The following RASEF variants were observed in gnomAD, a reference collection of about 807,000 sequenced individuals.
RASEF encodes ras and EF-hand domain-containing protein.
A neutral mutation model predicts 90.1 loss-of-function variants in RASEF; 68 were observed. That is an observed-to-expected ratio of 0.75 (90% CI 0.62 to 0.92). The LOEUF (loss-of-function observed/expected upper bound fraction) is 0.92, where lower values mean the gene tolerates loss of function less well. RASEF is among the 40% of genes least tolerant of loss of function. RASEF has a pLI of 0.00. For synonymous variants in RASEF, 331 were observed against 345.2 expected (o/e 0.96, Z 0.46); for missense variants, 949 against 937.2 (o/e 1.01, Z -0.16).
At chr9:83,103,939 G>C in the RASEF span, among the ~76,000 whole-genome samples, 1 of 152,086 alleles carries the variant, frequency 6.6e-6, no homozygotes, top group African/African-American at 2.4e-5. Context: ...CATTCAATTA[G>C]GGAATTTCCC....
At chr9:83,139,464 G>A in the RASEF span, among the ~76,000 whole-genome samples, 1 of 152,196 alleles carries the variant, frequency 6.6e-6, no homozygotes, top group East Asian at 1.9e-4. Context: ...TATGTTATAG[G>A]TATTATCTAC....
intron 3 of RASEF, among the ~76,000 whole-genome samples, chr9:83,020,378 G>T (rs1002048722): frequency 1.3e-5 from 2 of 152,220 alleles, no homozygotes; most frequent in Admixed American, 1.3e-4. Context: ...GGAGCCGAGG[G>T]GAGCCATGTG....
At chr9:83,198,311 A>G in the RASEF span, among the ~76,000 whole-genome samples, 3 of 152,190 alleles carry the variant, frequency 2.0e-5, no homozygotes, top group Admixed American at 1.3e-4. Context: ...GGTAAAGACT[A>G]CTCAATAGAA....
At chr9:83,068,633 A>G in the RASEF span, among the ~76,000 whole-genome samples, 217 of 152,312 alleles carry the variant, frequency 1.4e-3, 1 homozygote, top group African/African-American at 5.1e-3. Context: ...TCAAATCGAC[A>G]TATTGATTTT....
chr9:83,124,024 C>T, the RASEF span, among the ~76,000 whole-genome samples: 1 of 152,162 alleles, frequency 6.6e-6, no homozygotes, highest in Non-Finnish European at 1.5e-5. Context: ...CTCTAGGTAC[C>T]TCATGTCAGT....
the RASEF span, among the ~76,000 whole-genome samples, chr9:83,205,500 T>G: frequency 6.6e-6 from 1 of 152,220 alleles, no homozygotes; most frequent in Non-Finnish European, 1.5e-5. Context: ...GTATTCCTTT[T>G]CTCACCTGTT....
At chr9:83,202,901 G>A in the RASEF span, among the ~76,000 whole-genome samples, 1 of 152,194 alleles carries the variant, frequency 6.6e-6, no homozygotes, top group East Asian at 1.9e-4. Flanking sequence ...ACATCAAAAC[G>A]TCATGTTGTA....
chr9:83,181,765 G>T, the RASEF span, among the ~76,000 whole-genome samples: 14 of 151,962 alleles, frequency 9.2e-5, no homozygotes, highest in Non-Finnish European at 1.9e-4. Flanking sequence ...AGATTTCTTT[G>T]ATTTGTATGT....
rs71363083 is a variant in RASEF, at chr9:83,011,550, C to CAAAAAA, written c.843+878_843+883dup. On this transcript the variant is annotated intron_variant, in intron 5 of 16. Coordinates refer to ENST00000376447, the MANE Select transcript of RASEF (RefSeq NM_152573.4). ...CTGGTGACAGAGCAAGACTCCATCT[C>CAAAAAA]AAAAAAAAAAAAAAAAAAAAAAAAA... Among the ~76,000 whole-genome samples, 32 of 28,110 alleles carry CAAAAAA rather than the reference C, an allele frequency of 1.1e-3. 6 individuals carry two copies. The highest frequency in any genetic ancestry group is 1.5e-3 in the Non-Finnish European group (24 of 16,132). 18.4% of individuals were successfully genotyped at this position (28,110 alleles called of 152,430 possible).
At chr9:83,093,546 A>T in the RASEF span, among the ~76,000 whole-genome samples, 2 of 152,212 alleles carry the variant, frequency 1.3e-5, no homozygotes, top group Non-Finnish European at 2.9e-5. Context: ...CCGGGTGCTA[A>T]GCCCCTCATT....
chr9:83,197,847 G>A, the RASEF span, among the ~76,000 whole-genome samples: 3 of 152,180 alleles, frequency 2.0e-5, no homozygotes, highest in Non-Finnish European at 4.4e-5. Flanking sequence ...CATAAGCACC[G>A]GGATAAATCC....
chr9:83,165,888 G>A, the RASEF span, among the ~76,000 whole-genome samples: 33 of 152,074 alleles, frequency 2.2e-4, no homozygotes, highest in African/African-American at 7.5e-4. Context: ...AAAACCCTAT[G>A]GCCACAAATT....
chr9:83,090,099 C>A, the RASEF span, among the ~76,000 whole-genome samples: 2 of 152,146 alleles, frequency 1.3e-5, no homozygotes, highest in Admixed American at 1.3e-4. Context: ...TTCATCAACT[C>A]ATTCTTCTGC....
At chr9:83,066,299 C>T (rs1443293210), upstream of RASEF, among the ~76,000 whole-genome samples, 1 of 152,170 alleles carries the variant, frequency 6.6e-6, no homozygotes, top group African/African-American at 2.4e-5. Context: ...AGAATTGGAT[C>T]CTGCTTTTTC....
the RASEF span, among the ~76,000 whole-genome samples, chr9:83,128,564 C>A: frequency 2.0e-5 from 3 of 151,794 alleles, no homozygotes; most frequent in Non-Finnish European, 2.9e-5. Context: ...AAATAAACCA[C>A]CCAGTTTTGG....
chr9:83,183,143 A>G, the RASEF span, among the ~76,000 whole-genome samples: 9 of 152,052 alleles, frequency 5.9e-5, no homozygotes, highest in African/African-American at 1.7e-4. Context: ...TCTATATCCA[A>G]TGGATCCTTT....
the RASEF span, among the ~76,000 whole-genome samples, chr9:83,183,926 T>C: frequency 2.4e-4 from 37 of 152,302 alleles, no homozygotes; most frequent in African/African-American, 8.7e-4. Context: ...CCTGGAGGGT[T>C]TGTTAAAACT....
At chr9:83,200,374 C>T in the RASEF span, among the ~76,000 whole-genome samples, 1 of 152,102 alleles carries the variant, frequency 6.6e-6, no homozygotes, top group East Asian at 1.9e-4. Flanking sequence ...CCAGCCTGGG[C>T]AACAGAGCAA....
chr9:83,076,692 G>A, the RASEF span, among the ~76,000 whole-genome samples: 2 of 152,140 alleles, frequency 1.3e-5, no homozygotes, highest in African/African-American at 4.8e-5. Flanking sequence ...GGCCCAGAGT[G>A]CCCTATAGAA....
Sources: allele counts gnomAD v4.1 joint callset (sites outside exome capture counted in the v4.1 genomes callset), GRCh38; gene constraint gnomAD v4.1.1; transcripts MANE v1.5; gene names NCBI Gene and HGNC (gene_info 2026-07-23, HGNC 2026-07-21).